DTNBP1: variants seen among roughly 807,000 people sequenced by gnomAD.
DTNBP1 encodes dystrobrevin binding protein 1, also known as dysbindin.
A neutral mutation model predicts 42.8 loss-of-function variants in DTNBP1; 35 were observed. That is an observed-to-expected ratio of 0.82 (90% CI 0.63 to 1.09). The LOEUF is 1.09. DTNBP1 is among the 50% of genes least tolerant of loss of function. The pLI is 0.00. For missense variants in DTNBP1, 457 were observed against 424.2 expected (o/e 1.08, Z -0.68); for synonymous variants, 171 against 162.2 (o/e 1.05, Z -0.41).
chr6:15,628,395 GTTCT>G (rs1759478507), intron 4 of DTNBP1, among the ~76,000 whole-genome samples: 1 of 117,932 alleles, frequency 8.5e-6, no homozygotes, highest in African/African-American at 3.5e-5. Context: ...CAAGATTAAG[GTTCT>G]TTTTTTTTTT....
intron 7 of DTNBP1, among the ~76,000 whole-genome samples, chr6:15,585,183 T>C (rs1776024687): frequency 6.7e-6 from 1 of 149,368 alleles, no homozygotes. Flanking sequence ...GATAAATCCA[T>C]ATAGTACCAT....
chr6:15,543,795 A>C (rs891165222), intron 7 of DTNBP1, among the ~76,000 whole-genome samples: 74 of 152,098 alleles, frequency 4.9e-4, no homozygotes, highest in Non-Finnish European at 9.0e-4. Flanking sequence ...TTCCACCAAA[A>C]CTACTCACCC....
At chr6:15,660,526 A>C in intron 1 of DTNBP1, 1 of 1,289,754 alleles carries the variant, frequency 7.8e-7, no homozygotes, top group Non-Finnish European at 1.0e-6. Context: ...AGTGACCTGT[A>C]CAGGAGAAAG....
chr6:15,562,734 C>T (rs1397575574), intron 7 of DTNBP1, among the ~76,000 whole-genome samples: 6 of 152,306 alleles, frequency 3.9e-5, no homozygotes. Context: ...CTAAATTATG[C>T]AGGCCATAAT....
chr6:15,610,682 C>T (rs950871641), intron 6 of DTNBP1, among the ~76,000 whole-genome samples: 4 of 152,160 alleles, frequency 2.6e-5, no homozygotes, highest in African/African-American at 7.2e-5. Flanking sequence ...ACAAACCCAC[C>T]GTATTGCTTA....
chr6:15,585,277 T>C (rs540243157), intron 7 of DTNBP1, among the ~76,000 whole-genome samples: 1 of 151,534 alleles, frequency 6.6e-6, no homozygotes, highest in South Asian at 2.1e-4. Flanking sequence ...ATGAACATAC[T>C]AGCAGCAAGG....
At chr6:15,583,006 G>T (rs920698270) in intron 7 of DTNBP1, among the ~76,000 whole-genome samples, 1 of 152,046 alleles carries the variant, frequency 6.6e-6, no homozygotes, top group African/African-American at 2.4e-5. Flanking sequence ...TAGAGACAGG[G>T]TCTTGCTCTG....
chr6:15,626,066 T>C (rs1437436079), intron 5 of DTNBP1, among the ~76,000 whole-genome samples: 2 of 152,204 alleles, frequency 1.3e-5, no homozygotes, highest in African/African-American at 2.4e-5. Context: ...CATAGAGACC[T>C]ACTGAGAGCT....
At position 15,530,404 on chromosome 6, in the gene DTNBP1, T is replaced by C. The variant is rs140571545; in HGVS notation, c.667+2836A>G. Among the ~76,000 whole-genome samples, 293 of 152,376 alleles carry C rather than the reference T, an allele frequency of 1.9e-3. 4 individuals carry two copies. The Middle Eastern group carries it at 0.024, about 12-fold the overall frequency. On this transcript the variant is annotated intron_variant, in intron 8 of 9. Coordinates refer to ENST00000344537, the MANE Select transcript of DTNBP1 (RefSeq NM_032122.5). Reference sequence around the variant, plus strand: ...AAACCATATATTGGCGACATGTGCCTGATTTTTACCTTAAAAAAATGAGCC... The same window carrying C: ...AAACCATATATTGGCGACATGTGCCCGATTTTTACCTTAAAAAAATGAGCC...
Position 15,524,817 on chromosome 6 carries a change from G to A in DTNBP1, c.668-148C>T. The A allele has an allele frequency of 6.5e-6, 8 of 1,227,334 alleles. No homozygotes were observed. In the South Asian group the frequency reaches 1.1e-4, roughly 17 times the overall value. The allele number at this position is 1,227,334 out of a possible 1,614,324, so 76.0% of individuals were successfully genotyped here. ...AGCAACGTATTAGTAGATGACATAT[G>A]CCAGTCTGGCACTTTAAATGCATCC... On this transcript the variant is annotated intron_variant, in intron 8 of 9. Coordinates refer to ENST00000344537, the MANE Select transcript of DTNBP1 (RefSeq NM_032122.5).
chr6:15,650,363 A>T (rs2113805171), intron 3 of DTNBP1, among the ~76,000 whole-genome samples: 1 of 151,992 alleles, frequency 6.6e-6, no homozygotes, highest in South Asian at 2.1e-4. Flanking sequence ...ACCCCTGCCG[A>T]GATCGCACCA....
At chr6:15,583,754 T>C (rs924852911) in intron 7 of DTNBP1, among the ~76,000 whole-genome samples, 14 of 152,226 alleles carry the variant, frequency 9.2e-5, no homozygotes, top group African/African-American at 2.9e-4. Context: ...CAACAAAACG[T>C]TGTCCTGATT....
At chr6:15,537,127 AC>A (rs1226689740) in intron 7 of DTNBP1, among the ~76,000 whole-genome samples, 2 of 152,126 alleles carry the variant, frequency 1.3e-5, no homozygotes, top group Admixed American at 6.5e-5. Flanking sequence ...TGGACTTAAG[AC>A]TTTTGGCTTA....
chr6:15,533,178 G>C, intron 8 of DTNBP1, 62 bp downstream of exon 8: 1 of 1,604,896 alleles, frequency 6.2e-7, no homozygotes, highest in African/African-American at 1.3e-5. Flanking sequence ...TGGGGAGAGG[G>C]GTCCATCGCC....
chr6:15,575,173 TA>T (rs1442756784), intron 7 of DTNBP1, among the ~76,000 whole-genome samples: 1 of 152,188 alleles, frequency 6.6e-6, no homozygotes, highest in Admixed American at 6.5e-5. Context: ...ATTCCAGTGT[TA>T]AATTTGAAGG....
At chr6:15,662,142 C>T (rs1236319075) in intron 1 of DTNBP1, among the ~76,000 whole-genome samples, 2 of 152,266 alleles carry the variant, frequency 1.3e-5, no homozygotes, top group East Asian at 3.8e-4. Context: ...TGATTCTAAG[C>T]AAAGTTTGGG....
rs569654805 is a variant in DTNBP1, at chr6:15,631,607, C to A, written c.223-4132G>T. ...ACTTCGGAACTGTCCAAAGATTAAA[C>A]CAAGCTTGCTACAAACATTCTGGTA... On this transcript the variant is annotated intron_variant, in intron 4 of 9. Transcript: ENST00000344537. 1.4e-4 allele frequency among the ~76,000 whole-genome samples: 21 copies of A among 152,282 alleles called. No homozygotes were observed. In the South Asian group the frequency reaches 4.1e-3, roughly 30 times the overall value.
intron 3 of DTNBP1, among the ~76,000 whole-genome samples, chr6:15,642,575 T>G (rs916597586): frequency 6.6e-6 from 1 of 152,134 alleles, no homozygotes; most frequent in Non-Finnish European, 1.5e-5. Context: ...TGCTAGGCAG[T>G]CCACAAGATG....
At chr6:15,592,459 C>G (rs954635348) in intron 7 of DTNBP1, among the ~76,000 whole-genome samples, 1 of 152,094 alleles carries the variant, frequency 6.6e-6, no homozygotes, top group African/African-American at 2.4e-5. Flanking sequence ...TTCTCCATGA[C>G]CAGTAAGGGT....
Sources: allele counts gnomAD v4.1 joint callset (sites outside exome capture counted in the v4.1 genomes callset), GRCh38; gene constraint gnomAD v4.1.1; transcripts MANE v1.5; gene names NCBI Gene and HGNC (gene_info 2026-07-23, HGNC 2026-07-21).